The following RANBP2 variants were observed in gnomAD, a reference collection of about 807,000 sequenced individuals.
RANBP2 encodes E3 SUMO-protein ligase RanBP2.
RANBP2 carries 57 observed loss-of-function variants against 303.6 expected under a neutral mutation model. The observed-to-expected ratio is 0.19, with a 90% CI of 0.15 to 0.23. RANBP2 has a LOEUF of 0.23. RANBP2 is among the 10% of genes least tolerant of loss of function. The pLI is 1.00. For missense variants in RANBP2, 3,138 were observed against 3,780.8 expected, an observed-to-expected ratio of 0.83 and a Z score of 4.46; for synonymous variants, 1,167 against 1,301.5, an observed-to-expected ratio of 0.90 and a Z score of 2.23.
chr2:108,738,739 C>T (rs1329357520), intron 6 of RANBP2, among the ~76,000 whole-genome samples: 2 of 151,128 alleles, frequency 1.3e-5, no homozygotes, highest in African/African-American at 4.9e-5. Context: ...AGCAATTCTC[C>T]TGCCTCAGCC....
At chr2:109,123,831 G>C in the RANBP2 span, among the ~76,000 whole-genome samples, 1 of 152,118 alleles carries the variant, frequency 6.6e-6, no homozygotes, top group African/African-American at 2.4e-5. Context: ...TGCCCTTCTA[G>C]AATGCCAGTG....
At chr2:109,502,376 C>G in the RANBP2 span, 15 of 152,350 alleles carry the variant, frequency 9.8e-5, no homozygotes, top group South Asian at 2.9e-3. Flanking sequence ...TCTAATAGGT[C>G]AGACATTGCC....
chr2:109,629,338 TA>T, the RANBP2 span, among the ~76,000 whole-genome samples: 44 of 10,672 alleles, frequency 4.1e-3, 1 homozygote, highest in South Asian at 6.8e-3. Flanking sequence ...TATATATATA[TA>T]TATATATATA....
At chr2:108,738,207 C>T (rs1418147934) in intron 6 of RANBP2, among the ~76,000 whole-genome samples, 1 of 151,446 alleles carries the variant, frequency 6.6e-6, no homozygotes, top group Non-Finnish European at 1.5e-5. Flanking sequence ...TCCCAAGTAG[C>T]TGGGCCTACA....
rs1255487790 is a variant in RANBP2, at chr2:108,758,307, A to G, written c.2467-106A>G. 5.9e-6 allele frequency: 9 copies of G among 1,525,038 alleles called. No individual in the cohort carries two copies. In the South Asian group the frequency reaches 9.9e-5, roughly 17 times the overall value. 94.5% of individuals were successfully genotyped at this position (1,525,038 alleles called of 1,614,324 possible). On this transcript the variant is annotated intron_variant, in intron 17 of 28. Transcript: ENST00000283195. The stretch of plus-strand genomic sequence containing the variant: ...TCGAGACACCATCTCAAAAAAAAAA[A>G]AAAAAATCAGTTATTTAAATTTAAA...
chr2:109,434,545 C>A, the RANBP2 span, among the ~76,000 whole-genome samples: 1 of 152,254 alleles, frequency 6.6e-6, no homozygotes, highest in African/African-American at 2.4e-5. Context: ...CCCACCCCCA[C>A]AACACTGGAC....
At chr2:108,748,741 T>C (rs975323175) in intron 8 of RANBP2, among the ~76,000 whole-genome samples, 179 bp from the exon 9 acceptor site, 2 of 152,210 alleles carry the variant, frequency 1.3e-5, no homozygotes, top group Admixed American at 6.5e-5. Flanking sequence ...ATATTAAACC[T>C]GTACTCTTCT....
At chr2:109,155,865 A>G in the RANBP2 span, among the ~76,000 whole-genome samples, 1 of 152,158 alleles carries the variant, frequency 6.6e-6, no homozygotes, top group Non-Finnish European at 1.5e-5. Flanking sequence ...TGTTATAACT[A>G]TTTTGGTAGC....
the RANBP2 span, among the ~76,000 whole-genome samples, chr2:109,369,345 C>G: frequency 6.6e-6 from 1 of 151,990 alleles, no homozygotes; most frequent in South Asian, 2.1e-4. Flanking sequence ...AAGACTCCGT[C>G]TAAAAAAAGA....
At chr2:109,123,591 A>C in the RANBP2 span, among the ~76,000 whole-genome samples, 12 of 152,322 alleles carry the variant, frequency 7.9e-5, no homozygotes, top group African/African-American at 1.7e-4. Context: ...CAAGTCCCCC[A>C]CTTTGGATGC....
intron 1 of RANBP2, among the ~76,000 whole-genome samples, chr2:108,726,584 A>G (rs1321469657): frequency 1.3e-5 from 2 of 151,852 alleles, no homozygotes; most frequent in African/African-American, 2.4e-5. Context: ...TTGTCCTCAC[A>G]TGGCAGAGGG....
the RANBP2 span, among the ~76,000 whole-genome samples, chr2:109,652,074 C>CTT: frequency 3.3e-5 from 5 of 152,200 alleles, no homozygotes; most frequent in African/African-American, 1.2e-4. Context: ...GTGGCAGCTG[C>CTT]ACGGTAGTGG....
intron 7 of RANBP2, among the ~76,000 whole-genome samples, chr2:108,743,395 A>T (rs867047136): frequency 4.6e-5 from 7 of 152,104 alleles, no homozygotes; most frequent in Non-Finnish European, 8.8e-5. Flanking sequence ...CTTCAGCCTC[A>T]GCTCAGTAGC....
the RANBP2 span, among the ~76,000 whole-genome samples, chr2:109,113,399 G>A: frequency 6.6e-6 from 1 of 152,080 alleles, no homozygotes; most frequent in Non-Finnish European, 1.5e-5. Flanking sequence ...TGAAGCAATT[G>A]TGAATGGGAG....
the RANBP2 span, among the ~76,000 whole-genome samples, chr2:109,163,242 G>T: frequency 6.6e-6 from 1 of 152,184 alleles, no homozygotes; most frequent in Non-Finnish European, 1.5e-5. Context: ...TTGGTGTGTG[G>T]TGTGTTGACT....
the RANBP2 span, among the ~76,000 whole-genome samples, chr2:109,112,871 C>A: frequency 6.6e-6 from 1 of 152,172 alleles, no homozygotes; most frequent in Non-Finnish European, 1.5e-5. Flanking sequence ...GTTTTCCCAG[C>A]ACCATTTATT....
downstream of RANBP2, among the ~76,000 whole-genome samples, chr2:108,789,813 G>A (rs1481579397): frequency 6.6e-6 from 1 of 151,850 alleles, no homozygotes. Flanking sequence ...TTTACTATGG[G>A]GAAAAAATAT....
chr2:109,143,822 A>ACG, the RANBP2 span, among the ~76,000 whole-genome samples: 1 of 151,878 alleles, frequency 6.6e-6, no homozygotes, highest in Non-Finnish European at 1.5e-5. Context: ...ACACACACAC[A>ACG]CACACACACA....
chr2:109,707,209 A>T, the RANBP2 span, among the ~76,000 whole-genome samples: 1 of 152,178 alleles, frequency 6.6e-6, no homozygotes, highest in Admixed American at 6.5e-5. Context: ...GTTTACTCTA[A>T]CCAGTGACAT....
Sources: allele counts gnomAD v4.1 joint callset (sites outside exome capture counted in the v4.1 genomes callset), GRCh38; gene constraint gnomAD v4.1.1; transcripts MANE v1.5; gene names NCBI Gene and HGNC (gene_info 2026-07-23, HGNC 2026-07-21).